The following CCDC50 variants were observed in gnomAD, a reference collection of about 807,000 sequenced individuals.
CCDC50 encodes coiled-coil domain-containing protein 50.
CCDC50 carries 54 observed loss-of-function variants against 70.2 expected under a neutral mutation model. That is an observed-to-expected ratio of 0.77 (90% CI 0.62 to 0.96). CCDC50 has a LOEUF of 0.96. Among genes scored for constraint, CCDC50 ranks in the 50% least tolerant of loss-of-function variants. The pLI is 0.00. For synonymous variants in CCDC50, 216 were observed against 198.8 expected (o/e 1.09, Z -0.73); for missense variants, 558 against 578.7 (o/e 0.96, Z 0.37).
intron 1 of CCDC50, among the ~76,000 whole-genome samples, chr3:191,342,504 C>T (rs925532827): frequency 2.0e-5 from 3 of 152,120 alleles, no homozygotes; most frequent in Non-Finnish European, 4.4e-5. Context: ...GCTCTTTTGT[C>T]ATATGAAGCC....
At chr3:191,379,831 A>G (rs749528195) in intron 6 of CCDC50, among the ~76,000 whole-genome samples, 4 of 152,062 alleles carry the variant, frequency 2.6e-5, no homozygotes, top group African/African-American at 7.2e-5. Context: ...TTTGTTTTCA[A>G]TGACTTTTTT....
chr3:191,380,537 C>T (rs889429047), intron 7 of CCDC50, 150 bp from the exon 8 acceptor site: 1 of 784,806 alleles, frequency 1.3e-6, no homozygotes, highest in Admixed American at 2.1e-5. Flanking sequence ...AGCTCCTGCT[C>T]TGGCTGGTGA....
Position 191,349,916 on chromosome 3 carries a change from T to A in CCDC50, c.50-7172T>A, listed in dbSNP as rs1292411532. 5.7e-5 allele frequency among the ~76,000 whole-genome samples: 8 copies of A among 140,118 alleles called. 1 individual carries two copies. In the Admixed American group the frequency reaches 5.9e-4, roughly 10 times the overall value. The allele number at this position is 140,118 out of a possible 152,430, so 91.9% of individuals were successfully genotyped here. A position where few individuals can be genotyped will look rare whatever the true frequency, so the allele number is the denominator to read the frequency against. The stretch of plus-strand genomic sequence containing the variant: ...ACTAAAAATTACTTTTATCCTTGAT[T>A]TTAAAGAACTTAATGCCCATTTATC... On this transcript the variant is annotated intron_variant, in intron 1 of 11. Coordinates refer to ENST00000392455, the MANE Select transcript of CCDC50 (RefSeq NM_178335.3).
At chr3:191,348,986 T>G (rs928971604) in intron 1 of CCDC50, among the ~76,000 whole-genome samples, 1 of 142,114 alleles carries the variant, frequency 7.0e-6, no homozygotes, top group Non-Finnish European at 1.6e-5. Flanking sequence ...GAACTAAGTT[T>G]GCTTTTATGG....
chr3:191,343,812 T>C (rs1203465650), intron 1 of CCDC50, among the ~76,000 whole-genome samples: 1 of 152,234 alleles, frequency 6.6e-6, no homozygotes, highest in Non-Finnish European at 1.5e-5. Context: ...ATTTGGTGGG[T>C]TTATTCAGTA....
intron 1 of CCDC50, among the ~76,000 whole-genome samples, chr3:191,338,297 T>G (rs1711587051): frequency 6.6e-6 from 1 of 152,222 alleles, no homozygotes; most frequent in South Asian, 2.1e-4. Flanking sequence ...TCTTTTATAT[T>G]ATGAAGGTCT....
chr3:191,362,653 C>A (rs1044638679), intron 4 of CCDC50, among the ~76,000 whole-genome samples: 2 of 152,136 alleles, frequency 1.3e-5, no homozygotes, highest in African/African-American at 4.8e-5. Flanking sequence ...CTACACTGGG[C>A]AAACTGGCAC....
intron 5 of CCDC50, chr3:191,370,392 G>T (rs1296620941): frequency 7.1e-6 from 2 of 280,406 alleles, no homozygotes; most frequent in East Asian, 1.7e-4. Flanking sequence ...AGGCCCCGGT[G>T]TGTGATGTTT....
intron 1 of CCDC50, among the ~76,000 whole-genome samples, chr3:191,338,282 G>A (rs1711583556): frequency 6.6e-6 from 1 of 152,044 alleles, no homozygotes; most frequent in African/African-American, 2.4e-5. Flanking sequence ...AAAATATTAG[G>A]TTTTTCTTTT....
Position 191,361,074 on chromosome 3 carries a change from A to C in CCDC50, c.245A>C (p.Gln82Pro), listed in dbSNP as rs1313031088. 1 of 1,613,124 alleles carries C rather than the reference A, an allele frequency of 6.2e-7. No individual in the cohort carries two copies. The highest frequency in any genetic ancestry group is 1.3e-5 in the African/African-American group (1 of 75,022). Residue 82 changes from glutamine (Q) to proline (P), a missense_variant, in exon 4 of 12, where the codon CAA (glutamine) becomes CCA (proline). Transcript: ENST00000392455. The part of the protein sequence containing the change: ...QLQKRYKDLE[Q>P]QDCEIAQEIQ... The stretch of plus-strand genomic sequence containing the variant: ...TTTTCACCTTTGCTTTTTAGTGAAC[A>C]ACAAGACTGTGAAATTGCTCAGGAA...
chr3:191,343,725 A>T (rs1375145317), intron 1 of CCDC50, among the ~76,000 whole-genome samples: 1 of 152,260 alleles, frequency 6.6e-6, no homozygotes, highest in East Asian at 1.9e-4. Flanking sequence ...TTTCAGGGCC[A>T]GTTGAAATTC....
chr3:191,331,477 G>A (rs1262608360), intron 1 of CCDC50, among the ~76,000 whole-genome samples: 1 of 152,016 alleles, frequency 6.6e-6, no homozygotes, highest in Non-Finnish European at 1.5e-5. Flanking sequence ...ATTTAAATTA[G>A]CTTTCATTTT....
chr3:191,358,236 T>G (rs1171456881), intron 3 of CCDC50, 112 bp downstream of exon 3: 9 of 1,346,926 alleles, frequency 6.7e-6, no homozygotes, highest in Non-Finnish European at 9.3e-6. Flanking sequence ...CCTTCTACTG[T>G]TAGATTACAA....
intron 4 of CCDC50, among the ~76,000 whole-genome samples, chr3:191,369,516 A>G (rs79014045): frequency 0.018 from 2,669 of 152,250 alleles, 85 homozygotes; most frequent in African/African-American, 0.061. Flanking sequence ...CAAAATCTCC[A>G]TAAGAATTCT....
chr3:191,364,107 T>C (rs1712591979), intron 4 of CCDC50, among the ~76,000 whole-genome samples: 1 of 151,740 alleles, frequency 6.6e-6, no homozygotes. Flanking sequence ...TCTTGCTCTG[T>C]CTCCAGGCTG....
chr3:191,344,249 T>C (rs1711830756), intron 1 of CCDC50, among the ~76,000 whole-genome samples: 1 of 152,204 alleles, frequency 6.6e-6, no homozygotes. Flanking sequence ...TCTAAATTAG[T>C]TCTGTCATAC....
At chr3:191,348,227 T>TG (rs1438446311) in intron 1 of CCDC50, among the ~76,000 whole-genome samples, 2 of 141,402 alleles carry the variant, frequency 1.4e-5, no homozygotes, top group East Asian at 3.9e-4. Flanking sequence ...TTGGGTGCTT[T>TG]GGGCAGATGG....
chr3:191,385,152 G>A (rs1243130670), intron 10 of CCDC50, among the ~76,000 whole-genome samples: 1 of 152,190 alleles, frequency 6.6e-6, no homozygotes, highest in East Asian at 1.9e-4. Context: ...TTGATAGACT[G>A]ATTTATTTTC....
intron 3 of CCDC50, 45 bp downstream of exon 3, chr3:191,358,169 T>C: frequency 6.2e-7 from 1 of 1,611,902 alleles, no homozygotes; most frequent in Non-Finnish European, 8.5e-7. Context: ...ACTGGTTTTC[T>C]CTGTGGAGCT....
Sources: gnomAD v4.1 joint callset for allele counts (sites outside exome capture counted in the v4.1 genomes callset) on GRCh38, gnomAD v4.1.1 for gene constraint, MANE v1.5 for transcripts, NCBI Gene and HGNC (gene_info 2026-07-23, HGNC 2026-07-21) for gene names.